Variants in CLDN16 observed in about 807,000 individuals in gnomAD.
The protein encoded by CLDN16 is claudin-16.
A neutral mutation model predicts 24.6 loss-of-function variants in CLDN16; 13 were observed. The observed-to-expected ratio is 0.53, with a 90% CI of 0.34 to 0.84. The LOEUF is 0.84. CLDN16 is among the 40% of genes least tolerant of loss of function. The pLI, the probability that CLDN16 is intolerant of heterozygous loss-of-function variation, is 0.01. For synonymous variants in CLDN16, 116 were observed against 106.7 expected (o/e 1.09, Z -0.54); for missense variants, 298 against 292.7 (o/e 1.02, Z -0.13).
At chr3:190,402,242 C>G in intron 1 of CLDN16, 95 bp from the exon 2 acceptor site, 1 of 893,194 alleles carries the variant, frequency 1.1e-6, no homozygotes, top group Non-Finnish European at 1.9e-6. Flanking sequence ...ACTTACTTTG[C>G]TATCAAACAC....
intron 1 of CLDN16, among the ~76,000 whole-genome samples, chr3:190,365,685 T>C: frequency 6.6e-6 from 1 of 151,464 alleles, no homozygotes; most frequent in Non-Finnish European, 1.5e-5. Context: ...TGTGTTTTAC[T>C]AATCTCCTTT....
At chr3:190,373,973 T>C (rs1718195341) in intron 2 of CLDN16, among the ~76,000 whole-genome samples, 1 of 151,884 alleles carries the variant, frequency 6.6e-6, no homozygotes. Flanking sequence ...ATTCCCCTTT[T>C]TCTCCATTTG....
the CLDN16 span, among the ~76,000 whole-genome samples, chr3:190,292,053 A>C: frequency 0.35 from 53,772 of 151,796 alleles, 10,274 homozygotes; most frequent in East Asian, 0.62. Flanking sequence ...AGGTTTGTGG[A>C]CCTCTTCTCA....
chr3:190,402,387 T>G lies in CLDN16; in HGVS notation c.165T>G (p.Phe55Leu), dbSNP rs144105475. The change falls in exon 2 of 5, where the codon TTT (phenylalanine) becomes TTG (leucine). Residue 55 changes from phenylalanine (F) to leucine (L), a missense_variant. Coordinates refer to ENST00000264734, the MANE Select transcript of CLDN16 (RefSeq NM_006580.4). Reference protein sequence around the residue: ...GLWWECVTNAFDGIRTCDEYD... With the variant: ...GLWWECVTNALDGIRTCDEYD... Reference sequence around the variant, plus strand: ...GGTGGGAATGCGTCACAAATGCTTTTGATGGGATTCGCACCTGTGATGAGT... The same window carrying G: ...GGTGGGAATGCGTCACAAATGCTTTGGATGGGATTCGCACCTGTGATGAGT... 1 of 1,614,080 alleles carries G rather than the reference T, an allele frequency of 6.2e-7. No individual in the cohort carries two copies. Among genetic ancestry groups the G allele is most frequent in the Admixed American group, 1.7e-5 (1 of 60,022 alleles).
At chr3:190,382,333 C>A (rs991742764) in intron 3 of CLDN16, among the ~76,000 whole-genome samples, 1 of 152,070 alleles carries the variant, frequency 6.6e-6, no homozygotes, top group African/African-American at 2.4e-5. Flanking sequence ...ATATGCCTTG[C>A]TACTGAATTT....
chr3:190,293,967 C>T, the CLDN16 span, among the ~76,000 whole-genome samples: 1 of 152,134 alleles, frequency 6.6e-6, no homozygotes, highest in Non-Finnish European at 1.5e-5. Flanking sequence ...TACTGTATAA[C>T]AAGTGTGGAG....
upstream of CLDN16, chr3:190,322,220 G>A: frequency 6.2e-7 from 1 of 1,611,790 alleles, no homozygotes; most frequent in Non-Finnish European, 8.5e-7. Flanking sequence ...TCGCTCGGGC[G>A]CCCGCGCTGG....
rs543743339 is a variant in CLDN16, at chr3:190,369,000, T to C, written n.122-1893T>C. Reference sequence around the variant, plus strand: ...TGTTATTAGACCAAAAATGATAGTCTTGTAAAACATCTTTCAGCCTCTGAT... The same window carrying C: ...TGTTATTAGACCAAAAATGATAGTCCTGTAAAACATCTTTCAGCCTCTGAT... On this transcript the variant is annotated intron_variant and non_coding_transcript_variant, in intron 1 of 4. Coordinates refer to the CLDN16 transcript ENST00000468220. 5.9e-5 allele frequency among the ~76,000 whole-genome samples: 9 copies of C among 152,122 alleles called. No individual in the cohort carries two copies. In the South Asian group the frequency reaches 1.9e-3, roughly 32 times the overall value.
chr3:190,371,406 A>T (rs1182126173), intron 2 of CLDN16, among the ~76,000 whole-genome samples: 1 of 151,716 alleles, frequency 6.6e-6, no homozygotes, highest in African/African-American at 2.4e-5. Context: ...ACGCTTCCAA[A>T]CCCTACACTT....
chr3:190,397,464 T>A (rs1317993720), intron 1 of CLDN16, among the ~76,000 whole-genome samples: 1 of 152,240 alleles, frequency 6.6e-6, no homozygotes. Context: ...TCTGCTTTTT[T>A]AAGAACCCTG....
the CLDN16 span, among the ~76,000 whole-genome samples, chr3:190,294,443 A>C: frequency 1.3e-5 from 2 of 152,188 alleles, no homozygotes; most frequent in Admixed American, 1.3e-4. Flanking sequence ...ATTGTCTAAA[A>C]TTTTAATATT....
At chr3:190,373,919 C>T (rs1718194409) in intron 2 of CLDN16, among the ~76,000 whole-genome samples, 1 of 151,398 alleles carries the variant, frequency 6.6e-6, no homozygotes, top group Admixed American at 6.6e-5. Context: ...TATACATTTC[C>T]CTTGCAAGTA....
At chr3:190,353,681 G>A (rs185099284) in intron 1 of CLDN16, among the ~76,000 whole-genome samples, 40 of 152,108 alleles carry the variant, frequency 2.6e-4, no homozygotes, top group African/African-American at 8.4e-4. Context: ...AATTCATTTA[G>A]TTATCTATAG....
intron 1 of CLDN16, among the ~76,000 whole-genome samples, chr3:190,366,840 G>C (rs1718035807): frequency 6.6e-6 from 1 of 151,920 alleles, no homozygotes; most frequent in Admixed American, 6.6e-5. Context: ...AAGTCTCCCA[G>C]CAGCTTTGGG....
At chr3:190,409,302 A>ATGTATGTATATATGCACACATGCATC (rs2108520837) in intron 4 of CLDN16, among the ~76,000 whole-genome samples, 1 of 152,232 alleles carries the variant, frequency 6.6e-6, no homozygotes, top group South Asian at 2.1e-4. Context: ...ACACATGTAT[A>ATGTATGTATATATGCACACATGCATC]TGTATGTATA....
intron 3 of CLDN16, among the ~76,000 whole-genome samples, chr3:190,382,753 C>T (rs1204087015): frequency 2.6e-5 from 4 of 152,144 alleles, no homozygotes; most frequent in African/African-American, 7.2e-5. Context: ...CCCACTGTCA[C>T]GTTTGCTCTG....
chr3:190,373,013 A>G (rs999665444), intron 2 of CLDN16, among the ~76,000 whole-genome samples: 2 of 151,918 alleles, frequency 1.3e-5, no homozygotes, highest in Non-Finnish European at 2.9e-5. Flanking sequence ...CTGACTCTTC[A>G]AAGGGCAGCC....
At chr3:190,354,367 T>C (rs1054533807) in intron 1 of CLDN16, among the ~76,000 whole-genome samples, 1 of 152,032 alleles carries the variant, frequency 6.6e-6, no homozygotes, top group Admixed American at 6.6e-5. Context: ...CTGGTGTGCC[T>C]ACCTTGTATA....
At chr3:190,322,186 C>G (rs776319428), upstream of CLDN16, 1 of 1,613,910 alleles carries the variant, frequency 6.2e-7, no homozygotes, top group Non-Finnish European at 8.5e-7. Context: ...AGCCCAACAG[C>G]TGCAGCCCCG....
Sources: allele counts gnomAD v4.1 joint callset (sites outside exome capture counted in the v4.1 genomes callset), GRCh38; gene constraint gnomAD v4.1.1; transcripts MANE v1.5; gene names NCBI Gene and HGNC (gene_info 2026-07-23, HGNC 2026-07-21).